Variants in AFF3 observed in about 807,000 individuals in gnomAD.
AFF3 encodes ALF transcription elongation factor 3.
In AFF3, 32 loss-of-function variants were observed where a neutral mutation model predicts 129.7. The ratio of observed to expected loss-of-function variants is 0.25; its 90% CI spans 0.19 to 0.33. The LOEUF is 0.33. AFF3 is among the 10% of genes least tolerant of loss of function. The pLI is 1.00. For synonymous variants in AFF3, 644 were observed against 635.4 expected (o/e 1.01, Z -0.20); for missense variants, 1,373 against 1,592.0 (o/e 0.86, Z 2.34).
intron 7 of AFF3, among the ~76,000 whole-genome samples, chr2:99,969,698 T>G (rs1371333084): frequency 6.6e-6 from 1 of 152,048 alleles, no homozygotes; most frequent in African/African-American, 2.4e-5. Flanking sequence ...AGATGGGGTT[T>G]CACCATGTTG....
rs1328244999 is a variant in AFF3, at chr2:99,894,989, T to C, written c.874-57465A>G. 2.6e-5 allele frequency among the ~76,000 whole-genome samples: 4 copies of C among 152,348 alleles called. No individual in the cohort carries two copies. In the East Asian group the frequency reaches 7.7e-4, roughly 29 times the overall value. ...GTACAGGTGTGGCAGCTGCCTTTCATTCAGCATTTCTCGAGGCCTTTTCAT... is the reference window on the plus strand; with the variant it reads ...GTACAGGTGTGGCAGCTGCCTTTCACTCAGCATTTCTCGAGGCCTTTTCAT... On this transcript the variant is annotated intron_variant, in intron 7 of 24. Transcript: ENST00000672756.
At position 99,642,218 on chromosome 2, in the gene AFF3, A is replaced by G. The variant is rs376084822; in HGVS notation, c.1184+7408T>C. 1.5e-4 allele frequency among the ~76,000 whole-genome samples: 23 copies of G among 152,302 alleles called. No homozygotes were observed. The South Asian group carries it at 4.8e-3, about 32-fold the overall frequency. On this transcript the variant is annotated intron_variant, in intron 13 of 24. Transcript: ENST00000672756. Reference sequence around the variant, plus strand: ...CTACAAGAGACTTCTCGATAGCATCATATAGTTCTCTTTTGTTATTGAGTT... The same window carrying G: ...CTACAAGAGACTTCTCGATAGCATCGTATAGTTCTCTTTTGTTATTGAGTT...
At chr2:99,638,492 G>A (rs538473646) in intron 13 of AFF3, among the ~76,000 whole-genome samples, 4 of 146,508 alleles carry the variant, frequency 2.7e-5, no homozygotes, top group Admixed American at 7.1e-5. Context: ...AGTTTTTCTC[G>A]TCTGTGGTCA....
chr2:100,109,449 A>G (rs943470287), intron 2 of AFF3, among the ~76,000 whole-genome samples: 1 of 148,636 alleles, frequency 6.7e-6, no homozygotes, highest in African/African-American at 2.5e-5. Flanking sequence ...ATCTCCTATC[A>G]CAGATCATGT....
chr2:99,631,068 C>T (rs1202169757), intron 13 of AFF3: 1 of 417,742 alleles, frequency 2.4e-6, no homozygotes, highest in Non-Finnish European at 5.0e-6. Context: ...CAGAGCAGAA[C>T]ACGGAGTGGG....
intron 2 of AFF3, among the ~76,000 whole-genome samples, chr2:100,108,123 C>T (rs983943771): frequency 6.7e-4 from 94 of 139,988 alleles, no homozygotes; most frequent in Admixed American, 9.5e-4. Context: ...AAGCTGCAGA[C>T]GCATGACTCC....
At chr2:100,108,540 T>A (rs977848046) in intron 2 of AFF3, among the ~76,000 whole-genome samples, 2 of 152,074 alleles carry the variant, frequency 1.3e-5, no homozygotes, top group African/African-American at 4.8e-5. Flanking sequence ...GCCTGTCCAC[T>A]GTCCTAGGGA....
chr2:100,063,252 CA>C (rs33964775), intron 4 of AFF3, among the ~76,000 whole-genome samples: 16 of 101,762 alleles, frequency 1.6e-4, no homozygotes, highest in South Asian at 3.9e-4. Flanking sequence ...AACTCCATCT[CA>C]AAAAAAAAAA....
intron 17 of AFF3, among the ~76,000 whole-genome samples, chr2:99,581,407 AT>A (rs1677528914): frequency 6.6e-6 from 1 of 152,178 alleles, no homozygotes; most frequent in Non-Finnish European, 1.5e-5. Context: ...ATGCTGTAAG[AT>A]TTAGGCTCTC....
At chr2:99,777,947 C>CAAAAAAAAAAAAAAAAAAAAAAAA (rs576434643) in intron 8 of AFF3, among the ~76,000 whole-genome samples, 3 of 48,340 alleles carry the variant, frequency 6.2e-5, no homozygotes, top group African/African-American at 7.3e-5. Flanking sequence ...AAAGCAAAAG[C>CAAAAAAAAAAAAAAAAAAAAAAAA]AAAAAAAAAA....
chr2:99,707,260 T>C, intron 11 of AFF3: 1 of 985,386 alleles, frequency 1.0e-6, no homozygotes, highest in Non-Finnish European at 1.2e-6. Flanking sequence ...TGTCCAAGAT[T>C]AAAGGAAGAG....
At chr2:99,672,465 AC>A in intron 12 of AFF3, 72 bp downstream of exon 12, 1 of 1,487,210 alleles carries the variant, frequency 6.7e-7, no homozygotes. Context: ...CTTGGTTAAC[AC>A]CCGGCACAGT....
intron 9 of AFF3, among the ~76,000 whole-genome samples, chr2:99,746,377 G>A (rs1681158337): frequency 6.6e-6 from 1 of 152,090 alleles, no homozygotes; most frequent in Non-Finnish European, 1.5e-5. Flanking sequence ...TCAAATCCAA[G>A]TACTAATGTC....
rs376410741 is a variant in AFF3 at position 99,601,620 on chromosome 2, C to T, written c.1186G>A (p.Ala396Thr). ...RTALRALSDS[A>T]VVQQPNCRTS... ...CTGCAGTTGGGCTGCTGGACCACGG[C>T]GCTGCCAGCCCGCGAGGCCCCCGGG... The change falls in exon 14 of 25, where the codon GCC (alanine) becomes ACC (threonine). Residue 396 changes from alanine (A) to threonine (T), a missense_variant and splice_region_variant. By Grantham distance (58) the Ala-to-Thr change is moderately conservative (BLOSUM62 0). Around this residue, in one of 9 missense-constraint regions of AFF3, gnomAD observed 413 missense variants for 424.4 expected, o/e 0.97. Coordinates refer to ENST00000672756, the MANE Select transcript of AFF3 (RefSeq NM_001386135.1). The T allele has an allele frequency of 1.4e-4, 230 of 1,589,280 alleles. No homozygotes were observed. Among genetic ancestry groups the T allele is most frequent in the Non-Finnish European group, 1.8e-4 (214 of 1,173,596 alleles).
intron 8 of AFF3, among the ~76,000 whole-genome samples, chr2:99,803,938 G>A (rs965487401): frequency 3.2e-4 from 48 of 152,016 alleles, no homozygotes; most frequent in African/African-American, 1.2e-3. Flanking sequence ...AACTCCAGAC[G>A]GATCAAACAC....
chr2:99,711,054 C>T (rs1022556823), intron 11 of AFF3, among the ~76,000 whole-genome samples: 1 of 152,074 alleles, frequency 6.6e-6, no homozygotes, highest in African/African-American at 2.4e-5. Context: ...TTCCTCCTGT[C>T]GCTCCTCCCC....
chr2:99,684,715 G>A (rs1422251387), intron 11 of AFF3, among the ~76,000 whole-genome samples: 1 of 151,102 alleles, frequency 6.6e-6, no homozygotes, highest in Non-Finnish European at 1.5e-5. Flanking sequence ...GGTTTCCAGT[G>A]ATCCTCCCAC....
intron 4 of AFF3, among the ~76,000 whole-genome samples, chr2:100,102,992 C>G (rs1297345428): frequency 6.7e-6 from 1 of 148,222 alleles, no homozygotes; most frequent in African/African-American, 2.5e-5. Context: ...CAGTGCAATA[C>G]GTAAAAGTTT....
intron 9 of AFF3, among the ~76,000 whole-genome samples, chr2:99,750,157 AG>A (rs1681509958): frequency 1.3e-5 from 2 of 152,202 alleles, no homozygotes; most frequent in Non-Finnish European, 2.9e-5. Flanking sequence ...GCAAGAAAGT[AG>A]TTGTATCATA....
Sources: gnomAD v4.1 joint callset for allele counts (sites outside exome capture counted in the v4.1 genomes callset) on GRCh38, gnomAD v4.1.1 for gene constraint, gnomAD v4.1.1 regional missense constraint, MANE v1.5 for transcripts, NCBI Gene and HGNC (gene_info 2026-07-23, HGNC 2026-07-21) for gene names.